Variants in NKAIN3 observed in about 807,000 individuals in gnomAD.
NKAIN3 encodes the protein sodium/potassium transporting ATPase interacting 3, also known as sodium/potassium-transporting ATPase subunit beta-1-interacting protein 3.
NKAIN3 carries 25 observed loss-of-function variants against 30.2 expected under a neutral mutation model. That is an observed-to-expected ratio of 0.83 (90% CI 0.60 to 1.16). The LOEUF (loss-of-function observed/expected upper bound fraction) is 1.16, where lower values mean the gene tolerates loss of function less well. NKAIN3 is among the 50% of genes most tolerant of loss of function. NKAIN3 has a pLI of 0.00. For missense variants in NKAIN3, 225 were observed against 254.1 expected (o/e 0.89, Z 0.78); for synonymous variants, 91 against 89.6 (o/e 1.02, Z -0.09).
intron 1 of NKAIN3, among the ~76,000 whole-genome samples, chr8:62,468,627 A>G (rs2129599890): frequency 6.6e-6 from 1 of 152,364 alleles, no homozygotes; most frequent in East Asian, 1.9e-4. Context: ...GTTCAGTGAA[A>G]GCCATTTGCT....
chr8:62,597,416 A>T (rs1366738191), intron 3 of NKAIN3, among the ~76,000 whole-genome samples: 3 of 151,954 alleles, frequency 2.0e-5, no homozygotes, highest in African/African-American at 4.8e-5. Context: ...TTAAAGAATA[A>T]TTTTTTTATT....
intron 1 of NKAIN3, among the ~76,000 whole-genome samples, chr8:62,325,103 CA>C (rs1268109576): frequency 6.6e-6 from 1 of 151,956 alleles, no homozygotes; most frequent in Non-Finnish European, 1.5e-5. Context: ...ACACTGTATC[CA>C]ATAGGTAGTC....
intron 1 of NKAIN3, among the ~76,000 whole-genome samples, chr8:62,428,176 A>G (rs1188716426): frequency 6.6e-6 from 1 of 151,908 alleles, no homozygotes; most frequent in African/African-American, 2.4e-5. Context: ...TAGGATTTCA[A>G]TCTTTTTTAC....
intron 4 of NKAIN3, among the ~76,000 whole-genome samples, chr8:62,876,840 G>A (rs1429144590): frequency 6.7e-6 from 1 of 150,294 alleles, no homozygotes; most frequent in Non-Finnish European, 1.5e-5. Context: ...GGAACTTAGA[G>A]GATGGGTCAA....
intron 1 of NKAIN3, among the ~76,000 whole-genome samples, chr8:62,354,605 G>A (rs1585715577): frequency 3.3e-5 from 5 of 152,060 alleles, no homozygotes; most frequent in Admixed American, 2.0e-4. Flanking sequence ...CACTGTGCCC[G>A]GCTAATTCTT....
intron 3 of NKAIN3, among the ~76,000 whole-genome samples, chr8:62,737,754 A>G (rs1815721081): frequency 6.6e-6 from 1 of 152,202 alleles, no homozygotes; most frequent in African/African-American, 2.4e-5. Flanking sequence ...ACCAGTTGAG[A>G]AATCTATGGT....
chr8:62,311,910 T>A (rs1376944934), intron 1 of NKAIN3, among the ~76,000 whole-genome samples: 1 of 150,396 alleles, frequency 6.6e-6, no homozygotes, highest in Non-Finnish European at 1.5e-5. Context: ...TACCATGGGA[T>A]GTTTGGAGGG....
At chr8:62,667,357 A>AT (rs755800818) in intron 3 of NKAIN3, among the ~76,000 whole-genome samples, 2 of 93,954 alleles carry the variant, frequency 2.1e-5, no homozygotes, top group Admixed American at 2.2e-4. Flanking sequence ...TTATATATAT[A>AT]TCTGTATATA....
intron 4 of NKAIN3, among the ~76,000 whole-genome samples, chr8:62,849,789 AT>A (rs1436326333): frequency 6.6e-6 from 1 of 151,870 alleles, no homozygotes; most frequent in Non-Finnish European, 1.5e-5. Flanking sequence ...TGAACTCGTC[AT>A]TTTTTATGGC....
At chr8:62,546,732 C>T (rs1038816796) in intron 1 of NKAIN3, among the ~76,000 whole-genome samples, 3 of 152,084 alleles carry the variant, frequency 2.0e-5, no homozygotes, top group African/African-American at 4.8e-5. Context: ...TCTATGATTT[C>T]ACTTCTATTT....
At chr8:62,689,798 A>G (rs964203822) in intron 3 of NKAIN3, among the ~76,000 whole-genome samples, 1 of 151,540 alleles carries the variant, frequency 6.6e-6, no homozygotes, top group East Asian at 1.9e-4. Flanking sequence ...AGATTCAATC[A>G]TCGAGTCAGA....
intron 3 of NKAIN3, among the ~76,000 whole-genome samples, chr8:62,666,400 G>T (rs1014303846): frequency 1.3e-5 from 2 of 151,988 alleles, no homozygotes; most frequent in African/African-American, 4.8e-5. Flanking sequence ...ATATCCAAAT[G>T]ATATGATTAT....
intron 1 of NKAIN3, 39 bp downstream of exon 1, chr8:62,249,166 T>G (rs1242364934): frequency 2.0e-6 from 3 of 1,496,816 alleles, no homozygotes; most frequent in Non-Finnish European, 2.7e-6. Context: ...GACAGGTCCC[T>G]GCTCCAGGAC....
intron 3 of NKAIN3, among the ~76,000 whole-genome samples, chr8:62,656,051 G>A (rs1222539534): frequency 6.6e-6 from 1 of 152,074 alleles, no homozygotes. Context: ...AAAGACCAGA[G>A]TGATGGCTCC....
intron 1 of NKAIN3, among the ~76,000 whole-genome samples, chr8:62,393,630 A>G (rs998447864): frequency 1.7e-4 from 26 of 151,960 alleles, no homozygotes; most frequent in Non-Finnish European, 5.9e-5. Flanking sequence ...TCAAATTCTT[A>G]TATAGAGACT....
chr8:62,682,774 A>G (rs774204840), intron 3 of NKAIN3, among the ~76,000 whole-genome samples: 1 of 152,050 alleles, frequency 6.6e-6, no homozygotes. Flanking sequence ...TCCTGGGAAC[A>G]TAACTCCATT....
intron 1 of NKAIN3, among the ~76,000 whole-genome samples, chr8:62,346,276 C>A (rs1816003155): frequency 6.6e-6 from 1 of 151,994 alleles, no homozygotes; most frequent in African/African-American, 2.4e-5. Context: ...GTGTCAATTA[C>A]CCCTATTTGA....
chr8:62,436,595 A>G (rs776221930), intron 1 of NKAIN3, among the ~76,000 whole-genome samples: 1 of 152,204 alleles, frequency 6.6e-6, no homozygotes, highest in African/African-American at 2.4e-5. Flanking sequence ...TATTAAGTAC[A>G]TAATAAAGTA....
At chr8:62,703,656 G>A (rs897464159) in intron 3 of NKAIN3, among the ~76,000 whole-genome samples, 17 of 152,150 alleles carry the variant, frequency 1.1e-4, no homozygotes, top group African/African-American at 3.9e-4. Context: ...GGGATTTCCT[G>A]TCTCCCTCTT....
Sources: gnomAD v4.1 joint callset for allele counts (sites outside exome capture counted in the v4.1 genomes callset) on GRCh38, gnomAD v4.1.1 for gene constraint, MANE v1.5 for transcripts, NCBI Gene and HGNC (gene_info 2026-07-23, HGNC 2026-07-21) for gene names.